RTTN: variants seen among roughly 807,000 people sequenced by gnomAD.
RTTN encodes rotatin.
A neutral mutation model predicts 269.2 loss-of-function variants in RTTN; 182 were observed. The ratio of observed to expected loss-of-function variants is 0.68; its 90% confidence interval spans 0.60 to 0.76. RTTN has a LOEUF of 0.76. RTTN is among the 30% of genes least tolerant of loss of function. The probability of loss-of-function intolerance (pLI) is 0.00; values close to 1 mark genes in which losing one functional copy is unlikely to be tolerated. For missense variants in RTTN, 2,545 were observed against 2,608.6 expected, an observed-to-expected ratio of 0.98 and a Z score of 0.53; for synonymous variants, 1,006 against 963.5, an observed-to-expected ratio of 1.04 and a Z score of -0.82.
intron 46 of RTTN, chr18:70,008,394 T>C (rs1184933610): frequency 2.6e-5 from 4 of 151,966 alleles, no homozygotes; most frequent in African/African-American, 7.3e-5. Flanking sequence ...CAAAATTGGA[T>C]GGAGAATGAG....
At chr18:70,084,378 T>C (rs2058648781) in intron 32 of RTTN, among the ~76,000 whole-genome samples, 1 of 152,188 alleles carries the variant, frequency 6.6e-6, no homozygotes. Context: ...AGATTATTAT[T>C]CATAATTCTA....
rs920535375 is a variant in RTTN, at chr18:70,087,908, T to C, written c.4302+81A>G. The C allele has an allele frequency of 1.8e-5, 26 of 1,433,816 alleles. No homozygotes were observed. The African/African-American group carries it at 2.8e-4, about 15-fold the overall frequency. 88.8% of individuals were successfully genotyped at this position (1,433,816 alleles called of 1,614,324 possible). A position where few individuals can be genotyped will look rare whatever the true frequency, so the allele number is the denominator to read the frequency against. On this transcript the variant is annotated intron_variant, in intron 31 of 48. Coordinates refer to ENST00000640769, the MANE Select transcript of RTTN (RefSeq NM_173630.4). ...ATCATGGTCAGTGGTCAGTCCACCA[T>C]GTTGAGCGGCAGTCAAGTATCGCTT...
At chr18:70,129,606 G>GC (rs2059949570) in intron 23 of RTTN, 1 of 144,742 alleles carries the variant, frequency 6.9e-6, no homozygotes, top group Non-Finnish European at 1.5e-5. Flanking sequence ...TCTATCTCTC[G>GC]CCACATATGA....
chr18:70,183,550 C>T (rs2061465599), intron 10 of RTTN, among the ~76,000 whole-genome samples: 1 of 152,092 alleles, frequency 6.6e-6, no homozygotes, highest in Admixed American at 6.6e-5. Context: ...AGAGTTTAAC[C>T]CCAAGCAAAG....
rs115755395 is a variant in RTTN at position 70,016,430 on chromosome 18, G to A, written c.6421+977C>T. Among the ~76,000 whole-genome samples, 347 of 152,222 alleles carry A rather than the reference G, an allele frequency of 2.3e-3. 1 individual carries two copies. Among genetic ancestry groups the A allele is most frequent in the African/African-American group, 8.0e-3 (333 of 41,538 alleles). On this transcript the variant is annotated intron_variant, in intron 46 of 48. Transcript: ENST00000640769. ...AGAGTGGGCTTCTTTTATAGATGAAGAAGCTGGGCCCAGCGAGGCTGCACC... is the reference window on the plus strand; with the variant it reads ...AGAGTGGGCTTCTTTTATAGATGAAAAAGCTGGGCCCAGCGAGGCTGCACC...
At chr18:70,033,679 C>A (rs1162509732) in intron 40 of RTTN, among the ~76,000 whole-genome samples, 1 of 152,062 alleles carries the variant, frequency 6.6e-6, no homozygotes, top group Non-Finnish European at 1.5e-5. Flanking sequence ...GAAGAAAGAG[C>A]AAACCAACCC....
At chr18:70,137,102 G>A (rs978349798) in intron 21 of RTTN, among the ~76,000 whole-genome samples, 4 of 152,088 alleles carry the variant, frequency 2.6e-5, no homozygotes, top group African/African-American at 4.8e-5. Flanking sequence ...AATTGAGAAC[G>A]AGAAGAAAAT....
chr18:70,046,295 GC>G (rs369916880), intron 40 of RTTN, among the ~76,000 whole-genome samples: 119 of 152,272 alleles, frequency 7.8e-4, no homozygotes, highest in African/African-American at 2.5e-3. Flanking sequence ...CACACCTATT[GC>G]CATTTTGGCC....
intron 32 of RTTN, among the ~76,000 whole-genome samples, chr18:70,084,175 T>C (rs1477569935): frequency 1.3e-5 from 2 of 151,786 alleles, no homozygotes; most frequent in Non-Finnish European, 2.9e-5. Context: ...CGGGCATTAA[T>C]TTAGACTGCA....
chr18:70,033,201 G>A (rs2057070277), intron 40 of RTTN, among the ~76,000 whole-genome samples: 1 of 152,126 alleles, frequency 6.6e-6, no homozygotes, highest in African/African-American at 2.4e-5. Flanking sequence ...TCCCCCTTCT[G>A]CCATAATTGA....
chr18:70,019,874 A>G (rs2056651777), intron 45 of RTTN: 1 of 152,242 alleles, frequency 6.6e-6, no homozygotes, highest in African/African-American at 2.4e-5. Context: ...GAGGAAAAGG[A>G]GACTCAATTC....
At chr18:70,183,138 G>A (rs557520531) in intron 10 of RTTN, among the ~76,000 whole-genome samples, 1 of 152,192 alleles carries the variant, frequency 6.6e-6, no homozygotes, top group Non-Finnish European at 1.5e-5. Flanking sequence ...ATGCCAGAGA[G>A]AAGGAAAATA....
At chr18:70,026,392 G>C (rs750785838) in intron 43 of RTTN, among the ~76,000 whole-genome samples, 5 of 152,128 alleles carry the variant, frequency 3.3e-5, no homozygotes, top group Non-Finnish European at 7.4e-5. Context: ...CCTCAAGACA[G>C]TGAGTGATCT....
At position 70,197,685 on chromosome 18, in the gene RTTN, T is replaced by G. The variant is rs1014341140; in HGVS notation, c.632A>C (p.Lys211Thr). The G allele has an allele frequency of 2.5e-6, 4 of 1,613,920 alleles. No individual in the cohort carries two copies. Among genetic ancestry groups the G allele is most frequent in the Non-Finnish European group, 2.5e-6 (3 of 1,179,794 alleles). The change falls in exon 6 of 49, where the codon AAG (lysine) becomes ACG (threonine). Residue 211 changes from lysine to threonine, a missense_variant. By Grantham distance (78) the Lys-to-Thr change is moderately conservative. Coordinates refer to ENST00000640769, the MANE Select transcript of RTTN (RefSeq NM_173630.4). The stretch of plus-strand genomic sequence containing the variant: ...AGGAAAATCTTGCATGATAACATCC[T>G]TCAATAGTTCACAGGTGTTCCAGAT... ...TLIWNTCELLKDVIMQDFPAE... is the reference protein window; with the variant it reads ...TLIWNTCELLTDVIMQDFPAE...
intron 41 of RTTN, 84 bp downstream of exon 41, chr18:70,030,789 TGAG>T: frequency 1.0e-6 from 1 of 1,003,750 alleles, no homozygotes. Context: ...TTTTACATTT[TGAG>T]TCCAAAGAAA....
At chr18:70,081,181 T>C (rs2058558042) in intron 32 of RTTN, among the ~76,000 whole-genome samples, 4 of 151,832 alleles carry the variant, frequency 2.6e-5, no homozygotes, top group Middle Eastern at 6.8e-3. Context: ...GGGAAAAGGG[T>C]GGGAAGGGGT....
intron 14 of RTTN, among the ~76,000 whole-genome samples, chr18:70,162,376 G>T (rs1272345711): frequency 6.6e-6 from 1 of 152,134 alleles, no homozygotes; most frequent in African/African-American, 2.4e-5. Context: ...GGTGGGAAGA[G>T]AACGTATTAG....
At chr18:70,204,736 G>A (rs1170162006) in intron 2 of RTTN, among the ~76,000 whole-genome samples, 1 of 152,198 alleles carries the variant, frequency 6.6e-6, no homozygotes, top group Non-Finnish European at 1.5e-5. Flanking sequence ...ATATGGGCAA[G>A]CAACTTAACA....
chr18:70,177,650 T>C (rs1246167907), intron 10 of RTTN, among the ~76,000 whole-genome samples: 1 of 152,074 alleles, frequency 6.6e-6, no homozygotes, highest in East Asian at 1.9e-4. Context: ...CTTTCAATTT[T>C]CCATTGAAAA....
Sources: gnomAD v4.1 joint callset for allele counts (sites outside exome capture counted in the v4.1 genomes callset) on GRCh38, gnomAD v4.1.1 for gene constraint, MANE v1.5 for transcripts, NCBI Gene and HGNC (gene_info 2026-07-23, HGNC 2026-07-21) for gene names.